Variants in TNS4 observed in about 807,000 individuals in gnomAD.
TNS4 encodes the protein tensin-4.
Under a neutral mutation model 70.4 loss-of-function variants are expected in TNS4, and 46 were observed. That is an observed-to-expected ratio of 0.65 (90% confidence interval 0.52 to 0.84). The LOEUF (loss-of-function observed/expected upper bound fraction) is 0.84, where lower values mean the gene tolerates loss of function less well. Among genes scored for constraint, TNS4 ranks in the 40% least tolerant of loss-of-function variants. The pLI, the probability that TNS4 is intolerant of heterozygous loss-of-function variation, is 0.00. For missense variants in TNS4, 863 were observed against 907.0 expected (o/e 0.95, Z 0.62); for synonymous variants, 390 against 366.6 (o/e 1.06, Z -0.73).
chr17:40,489,277 G>C (rs1194082631), intron 2 of TNS4, among the ~76,000 whole-genome samples: 1 of 152,178 alleles, frequency 6.6e-6, no homozygotes, highest in Non-Finnish European at 1.5e-5. Context: ...TCACCACCCA[G>C]GGCCTCAGTT....
rs2035966948 is a variant in TNS4, at chr17:40,484,555, G to A, written c.1430C>T (p.Ser477Phe). Residue 477 changes from serine (S) to phenylalanine (F), a missense_variant, in exon 6 of 13, where the codon TCT becomes TTT. Coordinates refer to ENST00000254051, the MANE Select transcript of TNS4 (RefSeq NM_032865.6). ...EPGAFVIRDS[S>F]SYRGSFGLAL... Reference sequence around the variant, plus strand: ...CAGGCCGAAGGAGCCTCGGTATGAAGAGCTGTCCCTTATGACAAAAGCCCC... The same window carrying A: ...CAGGCCGAAGGAGCCTCGGTATGAAAAGCTGTCCCTTATGACAAAAGCCCC... 6.2e-7 allele frequency: 1 copy of A among 1,612,908 alleles called. No homozygotes were observed. The highest frequency in any genetic ancestry group is 1.7e-5 in the Admixed American group (1 of 60,020).
intron 9 of TNS4, 112 bp from the exon 10 acceptor site, chr17:40,479,954 T>G (rs2035900222): frequency 7.5e-7 from 1 of 1,336,264 alleles, no homozygotes; most frequent in Non-Finnish European, 1.0e-6. Context: ...GTGGAGCTCC[T>G]CTTAGAGCCG....
intron 12 of TNS4, 39 bp downstream of exon 12, chr17:40,478,268 C>T (rs763642070): frequency 6.9e-5 from 112 of 1,613,642 alleles, no homozygotes; most frequent in Non-Finnish European, 9.2e-5. Flanking sequence ...AGTTCCCTCC[C>T]CATGTTGGGT....
intron 2 of TNS4, among the ~76,000 whole-genome samples, chr17:40,492,134 C>T (rs986640133): frequency 4.6e-5 from 7 of 152,142 alleles, no homozygotes; most frequent in Non-Finnish European, 7.3e-5. Flanking sequence ...CTGCAGGCTG[C>T]CTCCAAACGG....
chr17:40,481,395 C>T (rs1202347876), intron 8 of TNS4, among the ~76,000 whole-genome samples: 1 of 152,130 alleles, frequency 6.6e-6, no homozygotes, highest in Non-Finnish European at 1.5e-5. Context: ...CTTGCTCTGT[C>T]GCTCTGTCAC....
chr17:40,492,731 A>C (rs12936754), intron 2 of TNS4, among the ~76,000 whole-genome samples: 2,428 of 151,982 alleles, frequency 0.016, 61 homozygotes, highest in African/African-American at 0.055. Flanking sequence ...CATCTCTACA[A>C]AAAGTTTAAA....
chr17:40,484,506 G>C lies in TNS4; in HGVS notation c.1479C>G (p.Pro493=). Residue 493 remains proline (P), a synonymous_variant, in exon 6 of 13, where the codon CCC becomes CCG. Transcript: ENST00000254051. ...TACCTGGTCGACTCTGAGCAGACGC[G>C]GGAACCTCCTGCACCTTCAGGGCCA... ...FGLALKVQEV[P]ASAQSRPGED... 6.2e-7 allele frequency: 1 copy of C among 1,611,792 alleles called. No homozygotes were observed. Among genetic ancestry groups the C allele is most frequent in the Non-Finnish European group, 8.5e-7 (1 of 1,179,980 alleles).
intron 8 of TNS4, among the ~76,000 whole-genome samples, chr17:40,481,380 G>A (rs557650717): frequency 1.3e-5 from 2 of 151,874 alleles, no homozygotes; most frequent in East Asian, 1.9e-4. Context: ...TTTCTTAGAT[G>A]AAGTCTTGCT....
At chr17:40,497,008 G>A (rs1045068678) in intron 1 of TNS4, among the ~76,000 whole-genome samples, 1 of 152,174 alleles carries the variant, frequency 6.6e-6, no homozygotes, top group Non-Finnish European at 1.5e-5. Context: ...GAGGCACAGA[G>A]AGGTAGGTAA....
rs1239714262 is a variant in TNS4 at position 40,479,803 on chromosome 17, G to T, written c.1781C>A (p.Thr594Asn). The T allele has an allele frequency of 1.2e-6, 2 of 1,613,768 alleles. No homozygotes were observed. The highest frequency in any genetic ancestry group is 1.7e-5 in the Admixed American group (1 of 60,014). The change falls in exon 10 of 13, where the codon ACC becomes AAC. Residue 594 changes from threonine (T) to asparagine (N), a missense_variant. By Grantham distance (65) the Thr-to-Asn change is moderately conservative (BLOSUM62 0). Coordinates refer to ENST00000254051, the MANE Select transcript of TNS4 (RefSeq NM_032865.6). ...CTGCACGGCCAGGGCTCCAGTCAGGGTCTCCACGCTCACTGAGCTCAGGTA... is the reference window on the plus strand; with the variant it reads ...CTGCACGGCCAGGGCTCCAGTCAGGTTCTCCACGCTCACTGAGCTCAGGTA... ...TLYLSSVSVE[T>N]LTGALAVQKA...
At chr17:40,495,243 T>C (rs1597700663) in intron 2 of TNS4, among the ~76,000 whole-genome samples, 1 of 152,194 alleles carries the variant, frequency 6.6e-6, no homozygotes, top group Admixed American at 6.5e-5. Context: ...CTCCATACTA[T>C]TATCTGTGCT....
chr17:40,482,359 A>G lies in TNS4; in HGVS notation c.1559T>C (p.Val520Ala). Reference protein sequence around the residue: ...HFLIESSAKGVHLKGADEEPY... With the variant: ...HFLIESSAKGAHLKGADEEPY... ...CTCCTCATCTGCTCCTTTGAGATGC[A>G]CTCCTTTGGCAGACGACTCGATGAG... Residue 520 changes from valine to alanine, a missense_variant, in exon 7 of 13, where the codon GTG becomes GCG. Physicochemically the swap from Val to Ala is moderately conservative, Grantham distance 64. Coordinates refer to ENST00000254051, the MANE Select transcript of TNS4 (RefSeq NM_032865.6). 1 of 1,613,760 alleles carries G rather than the reference A, an allele frequency of 6.2e-7. No homozygotes were observed. The highest frequency in any genetic ancestry group is 8.5e-7 in the Non-Finnish European group (1 of 1,179,958).
rs760948336 is a variant in TNS4, at chr17:40,477,684, G to A, written c.2052C>T (p.Asn684=). ...CATACTCCGCAAAGAGGTGGCATAC[G>A]TTCTCCTGAGGCTCTGTCTGGCTCT... ...VAKSQTEPQE[N]VCHLFAEYDM... Residue 684 remains asparagine, a synonymous_variant, in exon 13 of 13, where the codon AAC becomes AAT. Transcript: ENST00000254051. The A allele has an allele frequency of 1.1e-5, 18 of 1,613,750 alleles. No homozygotes were observed. Among genetic ancestry groups the A allele is most frequent in the East Asian group, 4.5e-5 (2 of 44,860 alleles).
chr17:40,487,078 T>C lies in TNS4; in HGVS notation c.1246A>G (p.Ser416Gly). The C allele has an allele frequency of 6.2e-7, 1 of 1,614,214 alleles. No individual in the cohort carries two copies. The highest frequency in any genetic ancestry group is 1.3e-5 in the African/African-American group (1 of 75,068). ...AAGGGGGCATCTGACAGGGTCTGGCTGTTGCTCCTGGTGGCTGGACAGGGG... is the reference window on the plus strand; with the variant it reads ...AAGGGGGCATCTGACAGGGTCTGGCCGTTGCTCCTGGTGGCTGGACAGGGG... ...SNPCPATRSN[S>G]QTLSDAPFTT... The change falls in exon 4 of 13, where the codon AGC becomes GGC. Residue 416 changes from serine to glycine, a missense_variant. Coordinates refer to ENST00000254051, the MANE Select transcript of TNS4 (RefSeq NM_032865.6).
rs2036004310 is a variant in TNS4 at position 40,487,349 on chromosome 17, C to T, written c.975G>A (p.Leu325=). Residue 325 remains leucine, a synonymous_variant, in exon 4 of 13, where the codon CTG becomes CTA. Coordinates refer to ENST00000254051, the MANE Select transcript of TNS4 (RefSeq NM_032865.6). ...CCTGGAAGTCACTGGGTCTTGTACA[C>T]AGGGACACTGAGCCAAGGCTGTGGA... ...SSLHSLGSVS[L]CTRPSDFQAP... 1.2e-6 allele frequency: 2 copies of T among 1,614,158 alleles called. No homozygotes were observed. The highest frequency in any genetic ancestry group is 1.1e-5 in the South Asian group (1 of 91,082).
intron 1 of TNS4, among the ~76,000 whole-genome samples, chr17:40,501,020 G>A (rs192678433): frequency 1.8e-4 from 28 of 152,270 alleles, no homozygotes; most frequent in Admixed American, 1.6e-3. Flanking sequence ...TCTATTTGCC[G>A]AGGGGCACAG....
chr17:40,479,856 A>G lies in TNS4; in HGVS notation c.1742-14T>C, dbSNP rs1259789438. 3 of 1,602,870 alleles carry G rather than the reference A, an allele frequency of 1.9e-6. No homozygotes were observed. The highest frequency in any genetic ancestry group is 1.7e-4 in the Middle Eastern group (1 of 6,022). ...GGGTGTGGCAGCCTGTGGGAGGCAG[A>G]CACTGCGCTGGGGCCACTGACCCAG... On this transcript the variant is annotated splice_polypyrimidine_tract_variant and intron_variant, in intron 9 of 12. Coordinates refer to ENST00000254051, the MANE Select transcript of TNS4 (RefSeq NM_032865.6).
Position 40,482,331 on chromosome 17 carries a change from G to A in TNS4, c.1587C>T (p.Pro529=). 1 of 1,614,170 alleles carries A rather than the reference G, an allele frequency of 6.2e-7. No homozygotes were observed. The highest frequency in any genetic ancestry group is 8.5e-7 in the Non-Finnish European group (1 of 1,180,038). ...GVHLKGADEE[P]YFGSLSAFVC... ...GAGGCTGGGGAGTCTCACCAAAGTA[G>A]GGCTCCTCATCTGCTCCTTTGAGAT... The change falls in exon 7 of 13, where the codon CCC becomes CCT. Residue 529 remains proline, a synonymous_variant. Coordinates refer to ENST00000254051, the MANE Select transcript of TNS4 (RefSeq NM_032865.6).
At chr17:40,486,768 G>C (rs2035994384) in intron 4 of TNS4, among the ~76,000 whole-genome samples, 1 of 152,018 alleles carries the variant, frequency 6.6e-6, no homozygotes, top group Admixed American at 6.6e-5. Context: ...CGCTTCCTCT[G>C]TTCTCCAGAC....
Sources: allele counts gnomAD v4.1 joint callset (sites outside exome capture counted in the v4.1 genomes callset), GRCh38; gene constraint gnomAD v4.1.1; transcripts MANE v1.5; gene names NCBI Gene and HGNC (gene_info 2026-07-23, HGNC 2026-07-21).